Variants in XPO7 observed in about 807,000 individuals in gnomAD.
The protein encoded by XPO7 is exportin 7.
In XPO7, 21 loss-of-function variants were observed where a neutral mutation model predicts 144.3. The observed-to-expected ratio is 0.15, with a 90% confidence interval of 0.10 to 0.21. The LOEUF (loss-of-function observed/expected upper bound fraction) is 0.21. XPO7 is among the 10% of genes least tolerant of loss of function. XPO7 has a pLI of 1.00. For synonymous variants in XPO7, 580 were observed against 499.6 expected, an observed-to-expected ratio of 1.16 and a Z score of -2.15; for missense variants, 808 against 1,325.8, an observed-to-expected ratio of 0.61 and a Z score of 6.06.
Position 21,998,808 on chromosome 8 carries a change from G to A in XPO7, c.2399G>A (p.Arg800Gln), listed in dbSNP as rs1813039272. The change falls in exon 22 of 28, where the codon CGA becomes CAA. Residue 800 changes from arginine (R) to glutamine (Q), a missense_variant. Coordinates refer to ENST00000252512, the MANE Select transcript of XPO7 (RefSeq NM_015024.5). ...TCCCCCAATGGCATCTTACTCTTCC[G>A]AGAAACCAGCAAGATGATAACAATG... ...VSSPNGILLFRETSKMITMYG... is the reference protein window; with the variant it reads ...VSSPNGILLFQETSKMITMYG... 4 of 1,613,930 alleles carry A rather than the reference G, an allele frequency of 2.5e-6. No homozygotes were observed. The highest frequency in any genetic ancestry group is 2.2e-5 in the East Asian group (1 of 44,878).
intron 1 of XPO7, among the ~76,000 whole-genome samples, chr8:21,933,372 T>C (rs1432232226): frequency 6.6e-6 from 1 of 152,112 alleles, no homozygotes; most frequent in Non-Finnish European, 1.5e-5. Context: ...AGTGCTGGGA[T>C]TACAGGCGTG....
At chr8:21,988,977 C>CTT (rs745752139) in intron 15 of XPO7, 26 bp from the exon 16 acceptor site, 6 of 1,433,078 alleles carry the variant, frequency 4.2e-6, no homozygotes, top group Non-Finnish European at 5.7e-6. Flanking sequence ...GGGTCTCCTG[C>CTT]TTTTTTTTTT....
At chr8:21,979,145 A>G (rs759166211) in intron 8 of XPO7, among the ~76,000 whole-genome samples, 1 of 152,188 alleles carries the variant, frequency 6.6e-6, no homozygotes, top group South Asian at 2.1e-4. Flanking sequence ...CCATGGGTTC[A>G]AGCGATTCTC....
intron 16 of XPO7, among the ~76,000 whole-genome samples, chr8:21,989,962 G>A (rs1400769117): frequency 6.7e-6 from 1 of 148,168 alleles, no homozygotes; most frequent in African/African-American, 2.5e-5. Context: ...CCATTCTCCT[G>A]CCTCAGCCTT....
At position 21,980,128 on chromosome 8, in the gene XPO7, G is replaced by A. The variant is rs745746268; in HGVS notation, c.882G>A (p.Leu294=). ...AGATCGCTTCAGTCAGAAGATCCCTGTTTAACAATGCAGAGAGGGCCAAGT... is the reference window on the plus strand; with the variant it reads ...AGATCGCTTCAGTCAGAAGATCCCTATTTAACAATGCAGAGAGGGCCAAGT... The part of the protein sequence containing the change: ...LVQIASVRRS[L]FNNAERAKFL... Residue 294 remains leucine, a synonymous_variant, in exon 9 of 28, where the codon CTG becomes CTA. Coordinates refer to ENST00000252512, the MANE Select transcript of XPO7 (RefSeq NM_015024.5). The A allele has an allele frequency of 1.2e-6, 2 of 1,605,258 alleles. No homozygotes were observed. The highest frequency in any genetic ancestry group is 1.1e-5 in the South Asian group (1 of 89,122).
At chr8:21,989,166 C>A in intron 16 of XPO7, 83 bp downstream of exon 16, 2 of 1,315,190 alleles carry the variant, frequency 1.5e-6, no homozygotes, top group Non-Finnish European at 2.1e-6. Context: ...GCTCTTTCCA[C>A]TTCAGTTTAG....
intron 4 of XPO7, 58 bp downstream of exon 4, chr8:21,970,368 A>AT: frequency 1.4e-6 from 2 of 1,458,988 alleles, no homozygotes; most frequent in Admixed American, 2.1e-5. Context: ...ACATATATAT[A>AT]AACACACACA....
intron 1 of XPO7, among the ~76,000 whole-genome samples, chr8:21,920,062 G>T (rs1420131454): frequency 6.6e-6 from 1 of 151,616 alleles, no homozygotes; most frequent in Non-Finnish European, 1.5e-5. Flanking sequence ...AGCCCACAAC[G>T]TTCGTCAGTC....
intron 11 of XPO7, 21 bp from the exon 12 acceptor site, chr8:21,984,621 GCCTT>G: frequency 1.3e-6 from 2 of 1,583,322 alleles, no homozygotes; most frequent in Non-Finnish European, 1.7e-6. Flanking sequence ...TAAGAGAGCT[GCCTT>G]CCTTCTTCCC....
chr8:21,990,672 A>C lies in XPO7; in HGVS notation c.1933-139A>C, dbSNP rs1812742162. ...GTGACAACGGTAGCCTGCCTTCAAAAAAAAAAAAACCTTCAGATCCTCAAG... is the reference window on the plus strand; with the variant it reads ...GTGACAACGGTAGCCTGCCTTCAAACAAAAAAAAACCTTCAGATCCTCAAG... On this transcript the variant is annotated intron_variant, in intron 17 of 27. Coordinates refer to ENST00000252512, the MANE Select transcript of XPO7 (RefSeq NM_015024.5). The C allele has an allele frequency of 8.4e-6, 8 of 955,208 alleles. No individual in the cohort carries two copies. The East Asian group carries it at 2.0e-4, about 24-fold the overall frequency. The allele number at this position is 955,208 out of a possible 1,614,324, so 59.2% of individuals were successfully genotyped here. A position where few individuals can be genotyped will look rare whatever the true frequency, so the allele number is the denominator to read the frequency against.
chr8:21,946,203 C>G (rs951999258), intron 1 of XPO7, among the ~76,000 whole-genome samples: 1 of 152,192 alleles, frequency 6.6e-6, no homozygotes, highest in Non-Finnish European at 1.5e-5. Context: ...CATCCTCCCA[C>G]GCTCACACTT....
intron 1 of XPO7, among the ~76,000 whole-genome samples, chr8:21,933,567 G>A (rs1340748218): frequency 6.6e-6 from 1 of 152,072 alleles, no homozygotes; most frequent in Non-Finnish European, 1.5e-5. Context: ...CCTGACTCTT[G>A]TTTTTAAACA....
At chr8:21,966,479 A>G (rs1811888185) in intron 1 of XPO7, among the ~76,000 whole-genome samples, 2 of 152,256 alleles carry the variant, frequency 1.3e-5, no homozygotes, top group South Asian at 4.1e-4. Context: ...TAATTTTAGT[A>G]GCCGTGCCTC....
At chr8:21,925,931 A>G (rs946211654) in intron 1 of XPO7, among the ~76,000 whole-genome samples, 1 of 152,182 alleles carries the variant, frequency 6.6e-6, no homozygotes, top group East Asian at 1.9e-4. Context: ...TTTTTCTGTA[A>G]GATCTAGTCA....
intron 2 of XPO7, 99 bp from the exon 3 acceptor site, chr8:21,969,383 AT>A (rs1811980686): frequency 9.9e-7 from 1 of 1,010,506 alleles, no homozygotes; most frequent in Non-Finnish European, 1.5e-6. Flanking sequence ...GCCAAAACTG[AT>A]TGCCTTTTCT....
intron 2 of XPO7, among the ~76,000 whole-genome samples, chr8:21,967,613 G>A (rs1282052815): frequency 7.2e-5 from 11 of 152,042 alleles, no homozygotes; most frequent in Admixed American, 2.0e-4. Flanking sequence ...GATTACAGAC[G>A]TGAGCCACCA....
At chr8:21,961,616 T>C (rs904447898) in intron 1 of XPO7, among the ~76,000 whole-genome samples, 1 of 152,098 alleles carries the variant, frequency 6.6e-6, no homozygotes, top group Admixed American at 6.5e-5. Flanking sequence ...ATGCTAACAC[T>C]TGATCTTGGC....
In XPO7 at chr8:21,940,553, T is replaced by A. The variant is rs1442991624; in HGVS notation, c.18+20765T>A. On this transcript the variant is annotated intron_variant, in intron 1 of 27. Transcript: ENST00000252512. ...GGTGTGATCTCGGCTCACTGCAACC[T>A]CCATCTCCTGTGTTCAAGCAATTAT... Among the ~76,000 whole-genome samples, 6 of 150,788 alleles carry A rather than the reference T, an allele frequency of 4.0e-5. No homozygotes were observed. The East Asian group carries it at 1.2e-3, about 29-fold the overall frequency.
intron 1 of XPO7, among the ~76,000 whole-genome samples, chr8:21,951,501 C>G (rs1811372546): frequency 6.6e-6 from 1 of 152,072 alleles, no homozygotes; most frequent in African/African-American, 2.4e-5. Flanking sequence ...GATCCTGTTT[C>G]CCATGTAATG....
Sources: allele counts gnomAD v4.1 joint callset (sites outside exome capture counted in the v4.1 genomes callset), GRCh38; gene constraint gnomAD v4.1.1; transcripts MANE v1.5; gene names NCBI Gene and HGNC (gene_info 2026-07-23, HGNC 2026-07-21).